IFFO2: variants seen among roughly 807,000 people sequenced by gnomAD.
IFFO2 encodes intermediate filament family orphan 2.
IFFO2 carries 19 observed loss-of-function variants against 53.5 expected under a neutral mutation model. The observed-to-expected ratio is 0.36, with a 90% confidence interval of 0.25 to 0.52. IFFO2 has a LOEUF of 0.52. IFFO2 is among the 20% of genes least tolerant of loss of function. The pLI is 0.94. For missense variants in IFFO2, 570 were observed against 727.4 expected (o/e 0.78, Z 2.49); for synonymous variants, 303 against 313.6 (o/e 0.97, Z 0.36).
chr1:18,926,631 G>A (rs1000469830), intron 1 of IFFO2, among the ~76,000 whole-genome samples: 4 of 152,166 alleles, frequency 2.6e-5, no homozygotes, highest in African/African-American at 9.7e-5. Flanking sequence ...CTGGAACCAC[G>A]TGAGGGACGA....
At chr1:18,929,291 C>T (rs557340497) in intron 1 of IFFO2, among the ~76,000 whole-genome samples, 1 of 152,288 alleles carries the variant, frequency 6.6e-6, no homozygotes, top group African/African-American at 2.4e-5. Flanking sequence ...CACACAGATG[C>T]CCTTGACAGA....
Position 18,910,303 on chromosome 1 carries a change from G to T in IFFO2, c.1448+39C>A. On this transcript the variant is annotated intron_variant, in intron 8 of 8. Coordinates refer to ENST00000455833, the MANE Select transcript of IFFO2 (RefSeq NM_001136265.2). ...GCAGCCTTGGGAATTCCCCTCCAAG[G>T]ATGCCATAGCTGAATCCCCTGGGAG... The T allele has an allele frequency of 1.9e-6, 3 of 1,569,506 alleles. No individual in the cohort carries two copies. In the South Asian group the frequency reaches 3.5e-5, roughly 18 times the overall value.
Position 18,906,684 on chromosome 1 carries a change from A to G in IFFO2, c.*1877T>C, listed in dbSNP as rs1935953521. On this transcript the variant is annotated 3_prime_UTR_variant, in exon 9 of 9. Coordinates refer to ENST00000455833, the MANE Select transcript of IFFO2 (RefSeq NM_001136265.2). Reference sequence around the variant, plus strand: ...AGAACAAGGGTGAGTGAGGAGAGAGAAGGGCCGTCTCTCTTCCAAAACCAT... The same window carrying G: ...AGAACAAGGGTGAGTGAGGAGAGAGGAGGGCCGTCTCTCTTCCAAAACCAT... The G allele has an allele frequency of 6.6e-6, 1 of 152,190 alleles. No individual in the cohort carries two copies. Among genetic ancestry groups the G allele is most frequent in the South Asian group, 2.1e-4 (1 of 4,828 alleles). 9.4% of individuals were successfully genotyped at this position (152,190 alleles called of 1,614,324 possible).
At position 18,956,361 on chromosome 1, in the gene IFFO2, G is replaced by A; in HGVS notation, c.-29C>T. 4.4e-6 allele frequency: 1 copy of A among 229,586 alleles called. No individual in the cohort carries two copies. Among genetic ancestry groups the A allele is most frequent in the Non-Finnish European group, 7.7e-6 (1 of 130,342 alleles). 14.2% of individuals were successfully genotyped at this position (229,586 alleles called of 1,614,324 possible). A position where few individuals can be genotyped will look rare whatever the true frequency, so the allele number is the denominator to read the frequency against. On this transcript the variant is annotated 5_prime_UTR_variant, in exon 1 of 9. Transcript: ENST00000455833. This position sits in a 1 kb window ranked among gnomAD's most constrained non-coding sequence, Gnocchi z 6.4. ...CCGGCTGCGCGGCTCAGGGCCCCGGGCCCGCGGCTCCAGGTGCGGCTCCAG... is the reference window on the plus strand; with the variant it reads ...CCGGCTGCGCGGCTCAGGGCCCCGGACCCGCGGCTCCAGGTGCGGCTCCAG...
In IFFO2 at chr1:18,916,317, A is replaced by T. The variant is rs114371827; in HGVS notation, c.1103+586T>A. ...GGCAGGAGAATGGCAGACAGGGAAC[A>T]TAAAGGATGCTGGCGAATGGAAGAG... On this transcript the variant is annotated intron_variant, in intron 5 of 8. Transcript: ENST00000455833. This position sits in a 1 kb window ranked among gnomAD's most constrained non-coding sequence, Gnocchi z 4.3. 1.3e-5 allele frequency among the ~76,000 whole-genome samples: 2 copies of T among 152,178 alleles called. No homozygotes were observed. Among genetic ancestry groups the T allele is most frequent in the African/African-American group, 4.8e-5 (2 of 41,430 alleles).
At chr1:18,923,949 A>C (rs1936248326) in intron 1 of IFFO2, among the ~76,000 whole-genome samples, 1 of 152,064 alleles carries the variant, frequency 6.6e-6, no homozygotes, top group Non-Finnish European at 1.5e-5. Context: ...TCCTGACTGC[A>C]CATACCACAC....
At position 18,919,740 on chromosome 1, in the gene IFFO2, TCTC is replaced by T; in HGVS notation, c.757_759del (p.Glu253del). Reference sequence around the variant, plus strand: ...TTGAGCCGCTCGATCTTCTCATTCATCTCCTCCTGGATGGCATCAGCCTCCTGT... The same window carrying T: ...TTGAGCCGCTCGATCTTCTCATTCATCTCCTGGATGGCATCAGCCTCCTGT... On this transcript the variant is annotated inframe_deletion, in exon 3 of 9. Transcript: ENST00000455833. This position sits in a 1 kb window ranked among gnomAD's most constrained non-coding sequence, Gnocchi z 4.9. The T allele has an allele frequency of 1.3e-6, 2 of 1,551,550 alleles. No homozygotes were observed. Among genetic ancestry groups the T allele is most frequent in the South Asian group, 1.2e-5 (1 of 84,052 alleles).
chr1:18,940,606 T>C (rs557766631), intron 1 of IFFO2, among the ~76,000 whole-genome samples: 6 of 143,328 alleles, frequency 4.2e-5, no homozygotes, highest in East Asian at 2.0e-4. Flanking sequence ...GATGGATGGA[T>C]GGACAGACGG....
At chr1:18,921,449 G>C (rs1936215009) in intron 1 of IFFO2, among the ~76,000 whole-genome samples, 1 of 152,252 alleles carries the variant, frequency 6.6e-6, no homozygotes, top group Admixed American at 6.5e-5. Context: ...AAGCACTGCT[G>C]CTCCTGTTGT....
At chr1:18,913,061 C>T (rs1936064332) in intron 5 of IFFO2, among the ~76,000 whole-genome samples, 2 of 152,264 alleles carry the variant, frequency 1.3e-5, no homozygotes, top group South Asian at 2.1e-4. Flanking sequence ...ACCCTGTCTC[C>T]AGGCTGCCAT....
In IFFO2 at chr1:18,916,600, T is replaced by C. The variant is rs1432290816; in HGVS notation, c.1103+303A>G. Among the ~76,000 whole-genome samples, 2 of 151,948 alleles carry C rather than the reference T, an allele frequency of 1.3e-5. No homozygotes were observed. The highest frequency in any genetic ancestry group is 2.9e-5 in the Non-Finnish European group (2 of 67,960). On this transcript the variant is annotated intron_variant, in intron 5 of 8. Transcript: ENST00000455833. The surrounding 1 kb of genome is among the most constrained non-coding windows in gnomAD (Gnocchi z 4.3). ...GGGCAACACAGTGAGACCCTGTCTC[T>C]ACAAAAAAATTTAAAAATTAGCTGG...
At chr1:18,913,938 TCTC>T (rs774798885) in intron 5 of IFFO2, among the ~76,000 whole-genome samples, 8 of 147,994 alleles carry the variant, frequency 5.4e-5, no homozygotes, top group East Asian at 1.9e-4. Context: ...TTCACGCCAT[TCTC>T]CTGCCTCAGC....
chr1:18,932,881 C>T (rs1206656461), intron 1 of IFFO2, among the ~76,000 whole-genome samples: 1 of 152,206 alleles, frequency 6.6e-6, no homozygotes, highest in Non-Finnish European at 1.5e-5. Flanking sequence ...AATTCGGCAC[C>T]ATATCCCAGT....
At position 18,908,557 on chromosome 1, in the gene IFFO2, G is replaced by A. The variant is rs1213108035; in HGVS notation, c.*4C>T. ...AGACCACCAGGCTCGCAGGGCCTCA[G>A]TCATCAGCTGACCATGGGCTCCACA... On this transcript the variant is annotated 3_prime_UTR_variant, in exon 9 of 9. Transcript: ENST00000455833. The A allele has an allele frequency of 5.8e-6, 9 of 1,548,550 alleles. No individual in the cohort carries two copies. The highest frequency in any genetic ancestry group is 1.2e-5 in the South Asian group (1 of 84,018).
At position 18,911,370 on chromosome 1, in the gene IFFO2, T is replaced by G; in HGVS notation, c.1317+14A>C. ...GAGAGCCTCACGAGTGGGCTCCACGTCCCGAGCCCTCACCTCGATCTGACC... is the reference window on the plus strand; with the variant it reads ...GAGAGCCTCACGAGTGGGCTCCACGGCCCGAGCCCTCACCTCGATCTGACC... On this transcript the variant is annotated intron_variant, in intron 7 of 8. Transcript: ENST00000455833. 1 of 1,430,274 alleles carries G rather than the reference T, an allele frequency of 7.0e-7. No homozygotes were observed. Among genetic ancestry groups the G allele is most frequent in the Non-Finnish European group, 9.4e-7 (1 of 1,063,932 alleles). 88.6% of individuals were successfully genotyped at this position (1,430,274 alleles called of 1,614,324 possible). A position where few individuals can be genotyped will look rare whatever the true frequency, so the allele number is the denominator to read the frequency against.
rs1331104430 is a variant in IFFO2 at position 18,936,957 on chromosome 1, A to AC, written c.666-15837_666-15836insG. The stretch of plus-strand genomic sequence containing the variant: ...ACACAAACTGGCTGCAGGTGGGGCA[A>AC]AAAAAAAAAAAAAGCACAGAACACA... On this transcript the variant is annotated intron_variant, in intron 1 of 8. Transcript: ENST00000455833. The surrounding 1 kb of genome is among the most constrained non-coding windows in gnomAD (Gnocchi z 4.5). 7.7e-6 allele frequency among the ~76,000 whole-genome samples: 1 copy of AC among 130,040 alleles called. No individual in the cohort carries two copies. The highest frequency in any genetic ancestry group is 2.5e-4 in the East Asian group (1 of 4,026). The allele number at this position is 130,040 out of a possible 152,430, so 85.3% of individuals were successfully genotyped here.
chr1:18,906,126 T>C lies in IFFO2; in HGVS notation c.*2435A>G, dbSNP rs1935944880. 1 of 152,086 alleles carries C rather than the reference T, an allele frequency of 6.6e-6. No individual in the cohort carries two copies. The highest frequency in any genetic ancestry group is 6.5e-5 in the Admixed American group (1 of 15,268). The allele number at this position is 152,086 out of a possible 1,614,324, so 9.4% of individuals were successfully genotyped here. Reference sequence around the variant, plus strand: ...GAGGCAGGCCCATCACACTCTGGCTTTCCCTCTCCTACCCACCTGCCCCAA... The same window carrying C: ...GAGGCAGGCCCATCACACTCTGGCTCTCCCTCTCCTACCCACCTGCCCCAA... On this transcript the variant is annotated 3_prime_UTR_variant, in exon 9 of 9. Coordinates refer to ENST00000455833, the MANE Select transcript of IFFO2 (RefSeq NM_001136265.2).
intron 1 of IFFO2, among the ~76,000 whole-genome samples, chr1:18,945,480 A>G (rs1936574687): frequency 1.3e-5 from 2 of 152,364 alleles, no homozygotes; most frequent in South Asian, 4.1e-4. Context: ...GACAGCAAAC[A>G]GGCGGCAGTG....
chr1:18,944,404 G>A (rs554654408), intron 1 of IFFO2, among the ~76,000 whole-genome samples: 1 of 152,172 alleles, frequency 6.6e-6, no homozygotes, highest in East Asian at 1.9e-4. Context: ...GAGAGGTAAG[G>A]GGAGCAGCCA....
Sources: allele counts gnomAD v4.1 joint callset (sites outside exome capture counted in the v4.1 genomes callset), GRCh38; gene constraint gnomAD v4.1.1; non-coding constraint Gnocchi (gnomAD v3.1); transcripts MANE v1.5; gene names NCBI Gene and HGNC (gene_info 2026-07-23, HGNC 2026-07-21).